Variants in SIL1 observed in about 807,000 individuals in gnomAD.
SIL1 encodes the protein SIL1 nucleotide exchange factor.
A neutral mutation model predicts 49.1 loss-of-function variants in SIL1; 40 were observed. The ratio of observed to expected loss-of-function variants is 0.81; its 90% CI spans 0.63 to 1.06. The LOEUF (loss-of-function observed/expected upper bound fraction) is 1.06, where lower values mean the gene tolerates loss of function less well. Ranked by LOEUF, SIL1 falls within the 50% of genes least tolerant of loss-of-function variation. The pLI, the probability that SIL1 is intolerant of heterozygous loss-of-function variation, is 0.00. For synonymous variants in SIL1, 253 were observed against 250.8 expected (o/e 1.01, Z -0.08); for missense variants, 500 against 572.6 (o/e 0.87, Z 1.29).
chr5:139,184,649 G>C (rs1269331301), intron 1 of SIL1, among the ~76,000 whole-genome samples: 1 of 152,160 alleles, frequency 6.6e-6, no homozygotes, highest in East Asian at 1.9e-4. Context: ...ACTCCAGCCT[G>C]GGTGTGAGTG....
intron 1 of SIL1, among the ~76,000 whole-genome samples, chr5:139,151,592 T>C (rs1476892588): frequency 6.6e-6 from 1 of 152,240 alleles, no homozygotes; most frequent in African/African-American, 2.4e-5. Context: ...TAAAAATTTA[T>C]CTAATTTGGC....
chr5:139,158,717 G>GA (rs1418486433), intron 1 of SIL1, among the ~76,000 whole-genome samples: 3 of 151,880 alleles, frequency 2.0e-5, no homozygotes, highest in Non-Finnish European at 4.4e-5. Flanking sequence ...TGGCAGATGA[G>GA]AAAAAAAGGT....
chr5:139,171,389 G>C (rs1401587588), intron 1 of SIL1, among the ~76,000 whole-genome samples: 2 of 152,184 alleles, frequency 1.3e-5, no homozygotes, highest in African/African-American at 4.8e-5. Flanking sequence ...TCCTGTTGAT[G>C]GGTGACCTTA....
At position 138,950,221 on chromosome 5, in the gene SIL1, C is replaced by T. The variant is rs1425987320; in HGVS notation, c.1029+950G>A. 2.6e-5 allele frequency among the ~76,000 whole-genome samples: 4 copies of T among 152,260 alleles called. No individual in the cohort carries two copies. In the East Asian group the frequency reaches 7.7e-4, roughly 29 times the overall value. ...GCCAGCTGACATGTCCTTCTCCAGGCTCACTGGCCCAGTCCCAGAACCTGA... is the reference window on the plus strand; with the variant it reads ...GCCAGCTGACATGTCCTTCTCCAGGTTCACTGGCCCAGTCCCAGAACCTGA... On this transcript the variant is annotated intron_variant, in intron 9 of 9. Coordinates refer to ENST00000394817, the MANE Select transcript of SIL1 (RefSeq NM_022464.5).
chr5:139,135,072 GT>G (rs767978818), intron 1 of SIL1, among the ~76,000 whole-genome samples: 1 of 152,220 alleles, frequency 6.6e-6, no homozygotes, highest in African/African-American at 2.4e-5. Flanking sequence ...AAACAAGTTT[GT>G]AATAGTCAGG....
intron 7 of SIL1, among the ~76,000 whole-genome samples, chr5:138,981,185 C>CCTGGGCAA (rs1767510064): frequency 6.8e-6 from 1 of 146,034 alleles, no homozygotes; most frequent in African/African-American, 2.6e-5. Flanking sequence ...TGCCCTCTAG[C>CCTGGGCAA]CTGGGCAACA....
intron 1 of SIL1, among the ~76,000 whole-genome samples, chr5:139,178,835 GCCTAACAGTCTCTGGA>G (rs1751931116): frequency 2.0e-5 from 3 of 152,056 alleles, no homozygotes; most frequent in African/African-American, 7.2e-5. Context: ...GTATCTCAGG[GCCTAACAGTCTCTGGA>G]ATGTAACAGA....
At position 139,042,734 on chromosome 5, in the gene SIL1, C is replaced by G; in HGVS notation, c.354-15G>C. ...TGATATCCAGCCTGTCCAAAGAAAA[C>G]TGAGAGTAAAGAGGGAGGCATGGCT... On this transcript the variant is annotated splice_polypyrimidine_tract_variant and intron_variant, in intron 4 of 9. Transcript: ENST00000394817. 1 of 1,612,504 alleles carries G rather than the reference C, an allele frequency of 6.2e-7. No individual in the cohort carries two copies. Among genetic ancestry groups the G allele is most frequent in the Non-Finnish European group, 8.5e-7 (1 of 1,178,610 alleles).
chr5:139,062,961 T>C (rs1345222201), intron 3 of SIL1, among the ~76,000 whole-genome samples: 1 of 152,084 alleles, frequency 6.6e-6, no homozygotes, highest in Admixed American at 6.6e-5. Flanking sequence ...AAGTATGACA[T>C]AAATGGGGAG....
chr5:139,179,808 A>G (rs1751950346), intron 1 of SIL1, among the ~76,000 whole-genome samples: 1 of 152,128 alleles, frequency 6.6e-6, no homozygotes, highest in African/African-American at 2.4e-5. Context: ...TATAATCCCA[A>G]CACTTCAGAA....
At chr5:139,121,309 T>G in intron 2 of SIL1, 136 bp from the exon 3 acceptor site, 1 of 1,198,382 alleles carries the variant, frequency 8.3e-7, no homozygotes. Flanking sequence ...ACACTCGCAA[T>G]TCCTTTCCCA....
intron 1 of SIL1, among the ~76,000 whole-genome samples, chr5:139,158,447 T>C (rs891388377): frequency 2.0e-5 from 3 of 152,170 alleles, no homozygotes; most frequent in African/African-American, 7.2e-5. Flanking sequence ...CTAAGAATCC[T>C]TGTGGGAGGC....
intron 6 of SIL1, among the ~76,000 whole-genome samples, chr5:139,023,655 C>G (rs1245317388): frequency 6.6e-6 from 1 of 152,206 alleles, no homozygotes; most frequent in Non-Finnish European, 1.5e-5. Flanking sequence ...GTCCTTGGAG[C>G]CTACAGCTCC....
chr5:139,121,609 TG>T (rs1470839390), intron 2 of SIL1, among the ~76,000 whole-genome samples: 3 of 152,292 alleles, frequency 2.0e-5, no homozygotes, highest in African/African-American at 7.2e-5. Flanking sequence ...CATACATGAA[TG>T]GGAGAGTAAG....
chr5:138,997,546 G>A (rs1205004513), intron 7 of SIL1, among the ~76,000 whole-genome samples: 2 of 152,286 alleles, frequency 1.3e-5, no homozygotes, highest in Non-Finnish European at 2.9e-5. Flanking sequence ...ATGCCATGCT[G>A]ATTTGGTCAC....
chr5:138,950,135 C>A (rs1005299877), intron 9 of SIL1, among the ~76,000 whole-genome samples: 3 of 152,174 alleles, frequency 2.0e-5, no homozygotes, highest in African/African-American at 7.2e-5. Context: ...GGGCTGGGGG[C>A]AGCAGGGACA....
chr5:139,122,321 G>A (rs1338223650), intron 2 of SIL1, among the ~76,000 whole-genome samples: 1 of 152,098 alleles, frequency 6.6e-6, no homozygotes, highest in Non-Finnish European at 1.5e-5. Flanking sequence ...AGCCAGGCAT[G>A]GTGGCTCACA....
chr5:139,126,531 C>A (rs1029939115), intron 2 of SIL1, among the ~76,000 whole-genome samples: 1 of 152,164 alleles, frequency 6.6e-6, no homozygotes, highest in Admixed American at 6.5e-5. Flanking sequence ...CACCGCCAAC[C>A]CATGCCAGAG....
Position 138,993,554 on chromosome 5 carries a change from G to A in SIL1, c.767+27617C>T, listed in dbSNP as rs118177913. On this transcript the variant is annotated intron_variant, in intron 7 of 9. Transcript: ENST00000394817. Reference sequence around the variant, plus strand: ...ACGGCAAAGGTGACAAGATATATACGACTATGTGTATGTGATTACACTACG... The same window carrying A: ...ACGGCAAAGGTGACAAGATATATACAACTATGTGTATGTGATTACACTACG... Among the ~76,000 whole-genome samples the A allele has an allele frequency of 1.1e-3, 165 of 152,252 alleles. 4 individuals carry two copies. In the East Asian group the frequency reaches 0.026, roughly 24 times the overall value.
Sources: allele counts gnomAD v4.1 joint callset (sites outside exome capture counted in the v4.1 genomes callset), GRCh38; gene constraint gnomAD v4.1.1; transcripts MANE v1.5; gene names NCBI Gene and HGNC (gene_info 2026-07-23, HGNC 2026-07-21).